Variants in CLVS1 observed in about 807,000 individuals in gnomAD.
CLVS1 encodes clavesin-1.
CLVS1 carries 10 observed loss-of-function variants against 33.1 expected under a neutral mutation model. The observed-to-expected ratio is 0.30, with a 90% CI of 0.19 to 0.51. The LOEUF (loss-of-function observed/expected upper bound fraction) is 0.51. Among genes scored for constraint, CLVS1 ranks in the 20% least tolerant of loss-of-function variants. The probability of loss-of-function intolerance (pLI) is 0.97; values close to 1 mark genes in which losing one functional copy is unlikely to be tolerated. For synonymous variants in CLVS1, 163 were observed against 166.1 expected, an observed-to-expected ratio of 0.98 and a Z score of 0.14; for missense variants, 343 against 433.4, an observed-to-expected ratio of 0.79 and a Z score of 1.85.
chr8:61,222,001 G>A (rs1230242281), intron 2 of CLVS1, among the ~76,000 whole-genome samples: 1 of 152,084 alleles, frequency 6.6e-6, no homozygotes, highest in Non-Finnish European at 1.5e-5. Flanking sequence ...TCTGATGGTA[G>A]TTTGTATTTC....
chr8:61,250,003 T>C (rs1406425670), intron 2 of CLVS1, among the ~76,000 whole-genome samples: 2 of 152,210 alleles, frequency 1.3e-5, no homozygotes, highest in Non-Finnish European at 2.9e-5. Context: ...GCCTATGTCC[T>C]GTAGGGTATT....
intron 2 of CLVS1, among the ~76,000 whole-genome samples, chr8:61,259,096 C>T (rs986223778): frequency 1.3e-5 from 2 of 152,156 alleles, no homozygotes; most frequent in East Asian, 3.9e-4. Flanking sequence ...TAAAAATCAC[C>T]TACAAAGTGA....
chr8:61,343,439 A>G (rs145010714), intron 2 of CLVS1, among the ~76,000 whole-genome samples: 1 of 152,338 alleles, frequency 6.6e-6, no homozygotes, highest in East Asian at 1.9e-4. Context: ...CGTTGTTGCA[A>G]TGGTCTGTGA....
chr8:61,474,840 C>A (rs1166750542), intron 5 of CLVS1, among the ~76,000 whole-genome samples: 2 of 152,180 alleles, frequency 1.3e-5, no homozygotes, highest in African/African-American at 2.4e-5. Context: ...TACATATGCA[C>A]AACGTGCAGG....
chr8:61,348,901 T>G (rs930164097), intron 2 of CLVS1, among the ~76,000 whole-genome samples: 12 of 152,194 alleles, frequency 7.9e-5, no homozygotes, highest in African/African-American at 2.9e-4. Flanking sequence ...TTCATATTTT[T>G]GATAATACTT....
intron 2 of CLVS1, among the ~76,000 whole-genome samples, chr8:61,267,655 C>G (rs572387618): frequency 1.3e-5 from 2 of 152,134 alleles, no homozygotes; most frequent in Non-Finnish European, 2.9e-5. Context: ...TTCAGATTTT[C>G]CTCTTCTTGT....
At position 61,291,223 on chromosome 8, in the gene CLVS1, T is replaced by A. The variant is rs544130073; in HGVS notation, c.-152+3085T>A. ...TCTGTCCCTTTATGCACCTGTTCTGTGACAGGGAGTATCAGAGAAAGTTCC... is the reference window on the plus strand; with the variant it reads ...TCTGTCCCTTTATGCACCTGTTCTGAGACAGGGAGTATCAGAGAAAGTTCC... On this transcript the variant is annotated intron_variant, in intron 1 of 5. Transcript: ENST00000325897. Among the ~76,000 whole-genome samples the A allele has an allele frequency of 2.3e-4, 35 of 152,302 alleles. 1 individual carries two copies. The South Asian group carries it at 7.3e-3, about 32-fold the overall frequency.
At chr8:61,165,565 G>A (rs138281591) in intron 2 of CLVS1, among the ~76,000 whole-genome samples, 75 of 152,302 alleles carry the variant, frequency 4.9e-4, no homozygotes, top group Middle Eastern at 3.4e-3. Context: ...GTGTTTAAAG[G>A]TGGATGCGGT....
chr8:61,406,717 C>T (rs1246349794), intron 3 of CLVS1, among the ~76,000 whole-genome samples: 6 of 152,026 alleles, frequency 3.9e-5, no homozygotes, highest in Non-Finnish European at 7.4e-5. Context: ...AAGCAATTCT[C>T]CTGCCTCAGC....
At chr8:61,116,905 A>C (rs1417686769) in intron 1 of CLVS1, among the ~76,000 whole-genome samples, 1 of 146,058 alleles carries the variant, frequency 6.8e-6, no homozygotes, top group Non-Finnish European at 1.5e-5. Context: ...CAATTCTGTG[A>C]AGAAAGGCAT....
chr8:61,114,010 C>T lies in CLVS1; in HGVS notation c.-242-17760C>T, dbSNP rs575976479. Among the ~76,000 whole-genome samples, 4 of 152,296 alleles carry T rather than the reference C, an allele frequency of 2.6e-5. No homozygotes were observed. In the South Asian group the frequency reaches 8.3e-4, roughly 32 times the overall value. ...GTAGTAAATACTTTAGGCCTTGTGGCCCTGTATCAACTACTCAACTCTGTC... is the reference window on the plus strand; with the variant it reads ...GTAGTAAATACTTTAGGCCTTGTGGTCCTGTATCAACTACTCAACTCTGTC... On this transcript the variant is annotated intron_variant, in intron 1 of 2. Coordinates refer to the CLVS1 transcript ENST00000522621.
intron 1 of CLVS1, among the ~76,000 whole-genome samples, chr8:61,065,216 T>G (rs543155071): frequency 6.2e-4 from 95 of 152,366 alleles, no homozygotes; most frequent in African/African-American, 2.0e-3. Flanking sequence ...TTAAATTACT[T>G]CCAGATTCCT....
chr8:61,317,901 C>T (rs1253737000), intron 2 of CLVS1, among the ~76,000 whole-genome samples: 1 of 152,090 alleles, frequency 6.6e-6, no homozygotes, highest in Non-Finnish European at 1.5e-5. Context: ...TTTGTTATTA[C>T]TTGCAATGAA....
chr8:61,480,510 T>G (rs1586036313), intron 5 of CLVS1, among the ~76,000 whole-genome samples: 1 of 152,156 alleles, frequency 6.6e-6, no homozygotes, highest in African/African-American at 2.4e-5. Context: ...GAAAGGGAAT[T>G]CCTTGACCCC....
intron 5 of CLVS1, among the ~76,000 whole-genome samples, chr8:61,474,091 T>A (rs994094093): frequency 5.3e-5 from 8 of 152,094 alleles, no homozygotes; most frequent in African/African-American, 1.4e-4. Context: ...AAAAGAAGAA[T>A]GAGTGCCTAG....
At chr8:61,468,684 G>A (rs796901559) in intron 5 of CLVS1, among the ~76,000 whole-genome samples, 2 of 130,656 alleles carry the variant, frequency 1.5e-5, no homozygotes, top group African/African-American at 6.0e-5. Context: ...CCTGAGCTCA[G>A]TCTGATATCC....
At position 61,300,201 on chromosome 8, in the gene CLVS1, G is replaced by A. The variant is rs1235050112; in HGVS notation, c.374G>A (p.Gly125Glu). ...DPGIKRALID[G>E]FPGVLENRDH... is the part of the protein sequence containing the mutation. ...GGCATTAAGAGGGCTCTGATCGATG[G>A]GTTCCCCGGGGTGCTGGAAAACCGA... is the stretch of plus-strand genomic sequence containing the variant. The change falls in exon 2 of 6, where the codon GGG (glycine) becomes GAG (glutamate). Residue 125 changes from glycine (G) to glutamate (E), a missense_variant. Gly to Glu is a moderately conservative substitution (Grantham distance 98). Transcript: ENST00000325897. 1 of 1,613,948 alleles carries A rather than the reference G, an allele frequency of 6.2e-7. No homozygotes were observed.
intron 2 of CLVS1, among the ~76,000 whole-genome samples, chr8:61,354,657 T>G (rs1046789855): frequency 5.3e-5 from 8 of 152,296 alleles, no homozygotes; most frequent in Admixed American, 4.6e-4. Context: ...ATAAAAGGAA[T>G]GAACTATTTA....
chr8:61,282,563 A>G (rs777464409), intron 2 of CLVS1, among the ~76,000 whole-genome samples: 2 of 152,234 alleles, frequency 1.3e-5, no homozygotes, highest in Non-Finnish European at 2.9e-5. Flanking sequence ...TAATTCAGGC[A>G]TGTTACTTAA....
Sources: allele counts gnomAD v4.1 joint callset (sites outside exome capture counted in the v4.1 genomes callset), GRCh38; gene constraint gnomAD v4.1.1; transcripts MANE v1.5; gene names NCBI Gene and HGNC (gene_info 2026-07-23, HGNC 2026-07-21).